Variants in CNTNAP5 observed in about 807,000 individuals in gnomAD.
CNTNAP5 encodes contactin-associated protein-like 5.
A neutral mutation model predicts 150.2 loss-of-function variants in CNTNAP5; 72 were observed. The observed-to-expected ratio is 0.48, with a 90% CI of 0.40 to 0.58. The LOEUF (loss-of-function observed/expected upper bound fraction) is 0.58, where lower values mean the gene tolerates loss of function less well. Ranked by LOEUF, CNTNAP5 falls within the 20% of genes least tolerant of loss-of-function variation. CNTNAP5 has a pLI of 0.00. For synonymous variants in CNTNAP5, 672 were observed against 619.8 expected, an observed-to-expected ratio of 1.08 and a Z score of -1.25; for missense variants, 1,636 against 1,626.2, an observed-to-expected ratio of 1.01 and a Z score of -0.10.
intron 21 of CNTNAP5, among the ~76,000 whole-genome samples, chr2:124,900,083 A>G (rs1177136180): frequency 6.6e-6 from 1 of 151,380 alleles, no homozygotes; most frequent in Non-Finnish European, 1.5e-5. Context: ...GATCTTCAGT[A>G]CATCTTTGAA....
chr2:124,081,972 G>C (rs1422145148), intron 1 of CNTNAP5, among the ~76,000 whole-genome samples: 1 of 152,072 alleles, frequency 6.6e-6, no homozygotes, highest in Non-Finnish European at 1.5e-5. Context: ...TTTATAGTCA[G>C]TTTCTTCTCA....
chr2:124,163,869 A>AC (rs1264287393), intron 1 of CNTNAP5, among the ~76,000 whole-genome samples: 4 of 151,330 alleles, frequency 2.6e-5, no homozygotes, highest in African/African-American at 9.7e-5. Context: ...CTAAGAAAAA[A>AC]AAAAGAATTA....
chr2:124,057,410 T>C (rs1303644333), intron 1 of CNTNAP5, among the ~76,000 whole-genome samples: 1 of 144,258 alleles, frequency 6.9e-6, no homozygotes, highest in Non-Finnish European at 1.5e-5. Flanking sequence ...CCCTCCCGAG[T>C]AGCTGGGACT....
chr2:124,599,376 T>C (rs1696926673), intron 11 of CNTNAP5, among the ~76,000 whole-genome samples: 1 of 152,160 alleles, frequency 6.6e-6, no homozygotes, highest in Admixed American at 6.5e-5. Flanking sequence ...AGATAAATTA[T>C]TAAATATTGA....
chr2:124,129,340 T>C (rs1683791322), intron 1 of CNTNAP5, among the ~76,000 whole-genome samples: 1 of 152,148 alleles, frequency 6.6e-6, no homozygotes, highest in Non-Finnish European at 1.5e-5. Flanking sequence ...GCCAGTGGGA[T>C]GAAGAGAACT....
chr2:124,443,010 A>C (rs1280959209), intron 5 of CNTNAP5, among the ~76,000 whole-genome samples: 2 of 152,060 alleles, frequency 1.3e-5, no homozygotes, highest in Non-Finnish European at 2.9e-5. Context: ...TTTATATAGG[A>C]CAATTTGGCA....
In CNTNAP5 at chr2:124,088,578, C is replaced by CTT. The variant is rs138528486; in HGVS notation, c.82+62856_82+62857dup. On this transcript the variant is annotated intron_variant, in intron 1 of 23. Coordinates refer to ENST00000682447, the MANE Select transcript of CNTNAP5 (RefSeq NM_001367498.1). ...TATTTAAACCTTCTGTTTTAACTGG[C>CTT]TTTTTTTTTTTACACTGTGCTAGCA... 5.5e-5 allele frequency among the ~76,000 whole-genome samples: 8 copies of CTT among 146,090 alleles called. No individual in the cohort carries two copies. In the East Asian group the frequency reaches 5.9e-4, roughly 11 times the overall value.
At chr2:124,636,470 T>C (rs1677970721) in intron 12 of CNTNAP5, among the ~76,000 whole-genome samples, 1 of 152,182 alleles carries the variant, frequency 6.6e-6, no homozygotes, top group Non-Finnish European at 1.5e-5. Context: ...GCATAACACC[T>C]GACACAATGA....
At chr2:124,724,398 C>T (rs1013138249) in intron 13 of CNTNAP5, among the ~76,000 whole-genome samples, 4 of 152,064 alleles carry the variant, frequency 2.6e-5, no homozygotes, top group Non-Finnish European at 4.4e-5. Flanking sequence ...GGAACCTCCA[C>T]GTATTCAGGT....
In CNTNAP5 at chr2:124,242,215, C is replaced by A. The variant is rs766008579; in HGVS notation, c.203C>A (p.Ser68Tyr). ...LNWRVGTGGWSPADSNAQQWL... is the reference protein window; with the variant it reads ...LNWRVGTGGWYPADSNAQQWL... The stretch of plus-strand genomic sequence containing the variant: ...CCTGTTCCAGGAACTGGCGGTTGGT[C>A]CCCAGCAGATTCCAATGCTCAACAG... Residue 68 changes from serine (S) to tyrosine (Y), a missense_variant, in exon 3 of 24, where the codon TCC becomes TAC. Physicochemically the swap from Ser to Tyr is moderately radical, Grantham distance 144. Transcript: ENST00000682447. The A allele has an allele frequency of 6.3e-7, 1 of 1,591,388 alleles. No individual in the cohort carries two copies. Among genetic ancestry groups the A allele is most frequent in the Non-Finnish European group, 8.6e-7 (1 of 1,168,046 alleles).
intron 1 of CNTNAP5, among the ~76,000 whole-genome samples, chr2:124,113,506 A>ATGTGTG (rs138877401): frequency 0.03 from 4,303 of 142,836 alleles, 82 homozygotes; most frequent in East Asian, 0.052. Flanking sequence ...ATACATATAT[A>ATGTGTG]TGTGTGTGTG....
At chr2:124,087,733 A>C (rs1573744689) in intron 1 of CNTNAP5, among the ~76,000 whole-genome samples, 1 of 151,722 alleles carries the variant, frequency 6.6e-6, no homozygotes, top group East Asian at 1.9e-4. Context: ...AAAAACAAAA[A>C]ATATATTTTC....
intron 3 of CNTNAP5, among the ~76,000 whole-genome samples, chr2:124,315,757 G>A (rs1055973402): frequency 2.0e-5 from 3 of 152,082 alleles, no homozygotes; most frequent in Admixed American, 2.0e-4. Flanking sequence ...TGAGCTGCAA[G>A]GGGATCCTGC....
chr2:124,547,210 G>C (rs1232150121), intron 10 of CNTNAP5, among the ~76,000 whole-genome samples: 2 of 152,102 alleles, frequency 1.3e-5, no homozygotes, highest in Non-Finnish European at 2.9e-5. Flanking sequence ...ACGGTGCATT[G>C]AATGACAGAT....
At chr2:124,622,711 CCACACACACTCA>C (rs1677643650) in intron 12 of CNTNAP5, among the ~76,000 whole-genome samples, 1 of 151,938 alleles carries the variant, frequency 6.6e-6, no homozygotes, top group South Asian at 2.1e-4. Context: ...CTTTCAAAAC[CCACACACACTCA>C]CACACACACT....
chr2:124,139,175 T>C (rs941943731), intron 1 of CNTNAP5, among the ~76,000 whole-genome samples: 1 of 151,946 alleles, frequency 6.6e-6, no homozygotes, highest in Non-Finnish European at 1.5e-5. Context: ...AGCTTTCTAA[T>C]CTTTGATCAA....
intron 1 of CNTNAP5, among the ~76,000 whole-genome samples, chr2:124,129,562 G>T (rs960847716): frequency 2.0e-5 from 3 of 152,186 alleles, no homozygotes; most frequent in African/African-American, 7.2e-5. Context: ...GAAGAGGGGT[G>T]AGTGTAGGAC....
At chr2:124,598,718 C>T (rs1361343784) in intron 11 of CNTNAP5, among the ~76,000 whole-genome samples, 4 of 152,062 alleles carry the variant, frequency 2.6e-5, no homozygotes, top group African/African-American at 9.6e-5. Context: ...CAAGCCTGGG[C>T]AATGGCGGGC....
chr2:124,095,231 A>G (rs1269532266), intron 1 of CNTNAP5, among the ~76,000 whole-genome samples: 1 of 152,176 alleles, frequency 6.6e-6, no homozygotes, highest in Non-Finnish European at 1.5e-5. Flanking sequence ...CTTCTCAGCA[A>G]ACTAACACAT....
Sources: gnomAD v4.1 joint callset for allele counts (sites outside exome capture counted in the v4.1 genomes callset) on GRCh38, gnomAD v4.1.1 for gene constraint, MANE v1.5 for transcripts, NCBI Gene and HGNC (gene_info 2026-07-23, HGNC 2026-07-21) for gene names.